Variants in ADAD1 observed in about 807,000 individuals in gnomAD.
ADAD1 encodes adenosine deaminase domain containing 1.
Under a neutral mutation model 66.8 loss-of-function variants are expected in ADAD1, and 46 were observed. The observed-to-expected ratio is 0.69, with a 90% CI of 0.54 to 0.88. The LOEUF is 0.88. Among genes scored for constraint, ADAD1 ranks in the 40% least tolerant of loss-of-function variants. The pLI is 0.00. For missense variants in ADAD1, 617 were observed against 681.8 expected, an observed-to-expected ratio of 0.91 and a Z score of 1.06; for synonymous variants, 248 against 229.4, an observed-to-expected ratio of 1.08 and a Z score of -0.73.
At position 122,429,690 on chromosome 4, in the gene ADAD1, A is replaced by G. The variant is rs2150622853; in HGVS notation, c.1682A>G (p.Tyr561Cys). The G allele has an allele frequency of 6.8e-6, 11 of 1,613,638 alleles. No individual in the cohort carries two copies. The highest frequency in any genetic ancestry group is 8.5e-6 in the Non-Finnish European group (10 of 1,179,704). The change falls in exon 13 of 13, where the codon TAT becomes TGT. Residue 561 changes from tyrosine (Y) to cysteine (C), a missense_variant. Coordinates refer to ENST00000296513, the MANE Select transcript of ADAD1 (RefSeq NM_139243.4). ...KLKSYLQQHG[Y>C]GSWIVKSPCI... ...AAATCCTACTTACAACAACATGGCT[A>G]TGGATCCTGGATTGTGAAATCTCCC... is the stretch of plus-strand genomic sequence containing the variant.
chr4:122,407,911 G>A lies in ADAD1; in HGVS notation c.728G>A (p.Gly243Glu), dbSNP rs370894579. ...ACTGTCTACCTTTTTCTTTCAGCTG[G>A]ACAACATGAGGTTGTAGCTATAGGC... ...SLAAFIIERAGQHEVVAIGTG... is the reference protein window; with the variant it reads ...SLAAFIIERAEQHEVVAIGTG... Residue 243 changes from glycine to glutamate, a missense_variant, in exon 8 of 13, where the codon GGA becomes GAA. Physicochemically the swap from Gly to Glu is moderately conservative, Grantham distance 98 (BLOSUM62 -2). Transcript: ENST00000296513. 4 of 1,612,072 alleles carry A rather than the reference G, an allele frequency of 2.5e-6. No individual in the cohort carries two copies. The highest frequency in any genetic ancestry group is 1.7e-6 in the Non-Finnish European group (2 of 1,179,076).
At chr4:122,425,934 C>G (rs1156391804) in intron 12 of ADAD1, among the ~76,000 whole-genome samples, 2 of 151,288 alleles carry the variant, frequency 1.3e-5, no homozygotes, top group Non-Finnish European at 3.0e-5. Flanking sequence ...GCTTCCAGTT[C>G]AAGAAGCCAG....
At chr4:122,391,433 T>C (rs2127511) in intron 5 of ADAD1, among the ~76,000 whole-genome samples, 69,105 of 152,084 alleles carry the variant, frequency 0.45, 16,466 homozygotes, top group Middle Eastern at 0.63. Flanking sequence ...CTCCTCTGCG[T>C]TGCCCAGATT....
intron 2 of ADAD1, 65 bp downstream of exon 2, chr4:122,379,510 C>T (rs1794768376): frequency 6.6e-6 from 1 of 152,502 alleles, no homozygotes; most frequent in Admixed American, 6.5e-5. Context: ...CGACGCGAGG[C>T]CTCTTTTGAA....
chr4:122,387,593 A>G (rs1795232523), intron 5 of ADAD1, among the ~76,000 whole-genome samples: 1 of 151,818 alleles, frequency 6.6e-6, no homozygotes, highest in Non-Finnish European at 1.5e-5. Flanking sequence ...GGAGTTCAAC[A>G]TACAAAAGTA....
intron 7 of ADAD1, among the ~76,000 whole-genome samples, chr4:122,399,984 G>C (rs139666896): frequency 1.3e-5 from 2 of 151,888 alleles, no homozygotes; most frequent in African/African-American, 2.4e-5. Flanking sequence ...TGATGTGGAC[G>C]TTCTTTATTT....
intron 7 of ADAD1, 145 bp from the exon 8 acceptor site, chr4:122,407,763 C>A: frequency 1.1e-6 from 1 of 914,856 alleles, no homozygotes; most frequent in Non-Finnish European, 1.5e-6. Flanking sequence ...GACTCTAAGA[C>A]TCTTATTTTA....
Position 122,383,929 on chromosome 4 carries a change from A to G in ADAD1, c.492A>G (p.Gln164=). Residue 164 remains glutamine, a synonymous_variant, in exon 5 of 13, where the codon CAA becomes CAG. Coordinates refer to ENST00000296513, the MANE Select transcript of ADAD1 (RefSeq NM_139243.4). The part of the protein sequence containing the change: ...AAKLALDELL[Q]LDEPEPRILE... Reference sequence around the variant, plus strand: ...AATTAGCTCTTGATGAGCTTCTACAACTGGATGAACCTGAACCACGAATTT... The same window carrying G: ...AATTAGCTCTTGATGAGCTTCTACAGCTGGATGAACCTGAACCACGAATTT... 2 of 1,613,198 alleles carry G rather than the reference A, an allele frequency of 1.2e-6. No homozygotes were observed. The highest frequency in any genetic ancestry group is 1.7e-6 in the Non-Finnish European group (2 of 1,179,738).
intron 5 of ADAD1, among the ~76,000 whole-genome samples, chr4:122,387,091 G>A (rs996460603): frequency 2.7e-5 from 4 of 150,718 alleles, no homozygotes; most frequent in Admixed American, 6.6e-5. Context: ...TGGTAGTTGC[G>A]AAAGTAGCAT....
chr4:122,405,701 C>G (rs1000806481), intron 7 of ADAD1, among the ~76,000 whole-genome samples: 1 of 152,180 alleles, frequency 6.6e-6, no homozygotes, highest in Non-Finnish European at 1.5e-5. Flanking sequence ...AGTTTTACAA[C>G]TCCAAGTTTG....
chr4:122,415,424 A>G lies in ADAD1; in HGVS notation c.1295A>G (p.Lys432Arg), dbSNP rs377030569. The G allele has an allele frequency of 6.2e-7, 1 of 1,613,910 alleles. No homozygotes were observed. The highest frequency in any genetic ancestry group is 8.5e-7 in the Non-Finnish European group (1 of 1,179,842). The change falls in exon 11 of 13, where the codon AAG becomes AGG. Residue 432 changes from lysine to arginine, a missense_variant. Physicochemically the swap from Lys to Arg is conservative, Grantham distance 26 (BLOSUM62 2). Coordinates refer to ENST00000296513, the MANE Select transcript of ADAD1 (RefSeq NM_139243.4). ...ACCAGAGGCTTAGAAATCGCTATAAAGCAACGTGTTGATGATGCACTCACT... is the reference window on the plus strand; with the variant it reads ...ACCAGAGGCTTAGAAATCGCTATAAGGCAACGTGTTGATGATGCACTCACT... ...SDTRGLEIAI[K>R]QRVDDALTSK... is the part of the protein sequence containing the mutation.
intron 8 of ADAD1, among the ~76,000 whole-genome samples, chr4:122,408,838 G>C (rs1331804327): frequency 6.6e-6 from 1 of 151,486 alleles, no homozygotes; most frequent in Non-Finnish European, 1.5e-5. Flanking sequence ...AACCAAGACT[G>C]CTCCACTGCT....
chr4:122,381,743 A>C (rs905204403), intron 4 of ADAD1, among the ~76,000 whole-genome samples: 1 of 152,224 alleles, frequency 6.6e-6, no homozygotes, highest in African/African-American at 2.4e-5. Flanking sequence ...TGATCTCTTC[A>C]CATTATAGCC....
chr4:122,393,632 A>G lies in ADAD1; in HGVS notation c.573A>G (p.Leu191=). ...FPAEPVVLSE[L]AYVSKVHYEG... is the part of the protein sequence containing the mutation. ...CAGAACCTGTTGTTTTATCTGAACT[A>G]GCATATGTTTCAAAAGTACATTATG... Residue 191 remains leucine, a synonymous_variant, in exon 6 of 13, where the codon CTA becomes CTG. Coordinates refer to ENST00000296513, the MANE Select transcript of ADAD1 (RefSeq NM_139243.4). The G allele has an allele frequency of 1.9e-6, 3 of 1,602,848 alleles. No homozygotes were observed. In the East Asian group the frequency reaches 6.8e-5, roughly 36 times the overall value.
At chr4:122,418,432 C>G (rs190600391) in intron 11 of ADAD1, among the ~76,000 whole-genome samples, 106 of 151,700 alleles carry the variant, frequency 7.0e-4, no homozygotes, top group African/African-American at 2.5e-3. Context: ...ACGCCATTCT[C>G]CTGCCTCAGC....
At chr4:122,429,424 GAAAA>G (rs367665444) in intron 12 of ADAD1, among the ~76,000 whole-genome samples, 198 bp from the exon 13 acceptor site, 1 of 135,438 alleles carries the variant, frequency 7.4e-6, no homozygotes, top group Non-Finnish European at 1.6e-5. Flanking sequence ...TGGCTCTTAG[GAAAA>G]AAAAAAAAAG....
intron 9 of ADAD1, 114 bp from the exon 10 acceptor site, chr4:122,412,466 A>G (rs1796510121): frequency 1.2e-6 from 1 of 819,212 alleles, no homozygotes; most frequent in African/African-American, 1.7e-5. Flanking sequence ...CTGTTACTGG[A>G]ATTAAATGTA....
chr4:122,388,444 AC>A (rs1266203453), intron 5 of ADAD1, among the ~76,000 whole-genome samples: 2 of 152,172 alleles, frequency 1.3e-5, no homozygotes. Flanking sequence ...AAGGAATGGT[AC>A]CAGCTCCTCT....
chr4:122,405,927 G>C (rs1048130860), intron 7 of ADAD1, among the ~76,000 whole-genome samples: 4 of 151,918 alleles, frequency 2.6e-5, no homozygotes, highest in Non-Finnish European at 5.9e-5. Context: ...TTTTTGGGGG[G>C]GCTGAAAAAT....
Sources: allele counts gnomAD v4.1 joint callset (sites outside exome capture counted in the v4.1 genomes callset), GRCh38; gene constraint gnomAD v4.1.1; transcripts MANE v1.5; gene names NCBI Gene and HGNC (gene_info 2026-07-23, HGNC 2026-07-21).